Variants in DST observed in about 807,000 individuals in gnomAD.
DST encodes the protein dystonin, also known as bullous pemphigoid antigen.
In DST, 253 loss-of-function variants were observed where a neutral mutation model predicts 875.2. The observed-to-expected ratio is 0.29, with a 90% CI of 0.26 to 0.32. The LOEUF is 0.32. Ranked by LOEUF, DST falls within the 10% of genes least tolerant of loss-of-function variation. The probability of loss-of-function intolerance (pLI) is 1.00; values close to 1 mark genes in which losing one functional copy is unlikely to be tolerated. For synonymous variants in DST, 3,124 were observed against 3,197.1 expected, an observed-to-expected ratio of 0.98 and a Z score of 0.77; for missense variants, 8,287 against 9,111.6, an observed-to-expected ratio of 0.91 and a Z score of 3.68.
In DST at chr6:56,470,196, C is replaced by T. The variant is rs767519111; in HGVS notation, c.22408G>A (p.Val7470Ile). Residue 7470 changes from valine to isoleucine, a missense_variant, in exon 96 of 104, where the codon GTA becomes ATA. Val to Ile is a conservative substitution (Grantham distance 29). Coordinates refer to ENST00000680361, the MANE Select transcript of DST (RefSeq NM_001374736.1). The part of the protein sequence containing the change: ...GDGYIDYYEF[V>I]AALHPNKDAY... ...TCTTTATTTGGGTGAAGGGCTGCTA[C>T]AAATTCATAGTAGTCAATATATCCA... 1.6e-5 allele frequency: 26 copies of T among 1,611,948 alleles called. No homozygotes were observed. In the Middle Eastern group the frequency reaches 6.6e-4, roughly 41 times the overall value.
intron 4 of DST, among the ~76,000 whole-genome samples, chr6:56,806,860 C>G (rs575479512): frequency 6.6e-6 from 1 of 152,278 alleles, no homozygotes; most frequent in East Asian, 1.9e-4. Context: ...ATGACGCTCA[C>G]AGAAGCTAAG....
chr6:56,859,817 T>C (rs1487388458), intron 3 of DST, among the ~76,000 whole-genome samples: 1 of 152,174 alleles, frequency 6.6e-6, no homozygotes, highest in Admixed American at 6.5e-5. Flanking sequence ...ATATGTCTTT[T>C]AGTGGAATAG....
At chr6:56,532,301 G>A (rs377191293) in intron 64 of DST, 43 bp downstream of exon 64, 6 of 1,563,684 alleles carry the variant, frequency 3.8e-6, no homozygotes, top group African/African-American at 2.7e-5. Flanking sequence ...GTAGACAGAG[G>A]CCACTGCTAC....
At chr6:56,601,750 T>C in intron 43 of DST, 74 bp from the exon 44 acceptor site, 3 of 917,726 alleles carry the variant, frequency 3.3e-6, no homozygotes, top group Admixed American at 3.2e-5. Flanking sequence ...ATAATATTTA[T>C]GTTTTGTAAA....
In DST at chr6:56,487,139, GT is replaced by G; in HGVS notation, c.21011del (p.Asp7004AlafsTer58). 1 of 1,613,862 alleles carries G rather than the reference GT, an allele frequency of 6.2e-7. No homozygotes were observed. Among genetic ancestry groups the G allele is most frequent in the South Asian group, 1.1e-5 (1 of 91,070 alleles). On this transcript the variant is annotated frameshift_variant, in exon 87 of 104. Coordinates refer to ENST00000680361, the MANE Select transcript of DST (RefSeq NM_001374736.1). LOFTEE classifies it high-confidence loss of function. ...KLDDMLSELRDKWDTICGKSV... is the reference protein window; with the variant it reads ...KLDDMLSELRXKWDTICGKSV... ...ATTTTCCACATATGGTATCCCATTT[GT>G]CTCTGAGTTCACTCAGCATGTCATC...
At position 56,604,644 on chromosome 6, in the gene DST, T is replaced by A. The variant is rs1463240238; in HGVS notation, c.9984A>T (p.Pro3328=). Reference sequence around the variant, plus strand: ...ATCTTGGAGACAAGGCTTGTTCTTTTGGTAGCTGTTGCTCAATTCTTTCTT... The same window carrying A: ...ATCTTGGAGACAAGGCTTGTTCTTTAGGTAGCTGTTGCTCAATTCTTTCTT... ...NKKERIEQQL[P]KEQALSPRSQ... is the part of the protein sequence containing the mutation. Residue 3328 remains proline, a synonymous_variant, in exon 40 of 104, where the codon CCA becomes CCT. Coordinates refer to ENST00000680361, the MANE Select transcript of DST (RefSeq NM_001374736.1). 8.7e-6 allele frequency: 14 copies of A among 1,612,638 alleles called. No homozygotes were observed. Among genetic ancestry groups the A allele is most frequent in the Non-Finnish European group, 1.2e-5 (14 of 1,179,174 alleles).
intron 5 of DST, among the ~76,000 whole-genome samples, chr6:56,713,413 C>T (rs1343367900): frequency 6.6e-6 from 1 of 152,198 alleles, no homozygotes; most frequent in Non-Finnish European, 1.5e-5. Flanking sequence ...CACACACACA[C>T]ACACAATCAA....
At chr6:56,565,794 C>T (rs1214064352) in intron 55 of DST, among the ~76,000 whole-genome samples, 4 of 152,160 alleles carry the variant, frequency 2.6e-5, no homozygotes, top group Non-Finnish European at 4.4e-5. Context: ...GAAGCTGCTC[C>T]CACAGCCACC....
intron 45 of DST, 67 bp downstream of exon 45, chr6:56,600,002 G>T: frequency 1.4e-6 from 2 of 1,409,964 alleles, no homozygotes; most frequent in South Asian, 1.6e-5. Flanking sequence ...AATCTTCACT[G>T]ACTTCCAAAT....
At chr6:56,790,849 G>A (rs1163818143) in intron 4 of DST, among the ~76,000 whole-genome samples, 1 of 152,176 alleles carries the variant, frequency 6.6e-6, no homozygotes, top group Non-Finnish European at 1.5e-5. Flanking sequence ...GCTTTCCGTT[G>A]TTTTGAACAA....
intron 2 of DST, among the ~76,000 whole-genome samples, chr6:56,936,770 C>G (rs576293164): frequency 2.0e-5 from 3 of 151,708 alleles, no homozygotes; most frequent in African/African-American, 7.3e-5. Context: ...TTAAAAAGAG[C>G]AGAAGAGAAT....
intron 9 of DST, among the ~76,000 whole-genome samples, chr6:56,691,420 G>C (rs1399155776): frequency 6.6e-6 from 1 of 152,150 alleles, no homozygotes; most frequent in East Asian, 1.9e-4. Context: ...CAGTGATGAT[G>C]GCGCACACTA....
intron 2 of DST, among the ~76,000 whole-genome samples, chr6:56,940,209 C>T (rs915399920): frequency 3.1e-4 from 47 of 151,282 alleles, no homozygotes; most frequent in African/African-American, 9.5e-4. Context: ...CACACACACA[C>T]ACACACACAC....
intron 9 of DST, among the ~76,000 whole-genome samples, chr6:56,687,368 A>G (rs918090730): frequency 6.6e-6 from 1 of 152,154 alleles, no homozygotes; most frequent in African/African-American, 2.4e-5. Flanking sequence ...AAACCTTAAC[A>G]TCGGTAGGAA....
chr6:56,952,882 G>C (rs1426983955), intron 2 of DST, among the ~76,000 whole-genome samples: 1 of 152,156 alleles, frequency 6.6e-6, no homozygotes, highest in Admixed American at 6.5e-5. Context: ...TACTCTTTGT[G>C]CAACATTTTA....
chr6:56,749,214 C>T (rs1428503045), intron 4 of DST, among the ~76,000 whole-genome samples: 3 of 151,900 alleles, frequency 2.0e-5, no homozygotes, highest in Non-Finnish European at 2.9e-5. Context: ...ATTGGCCAGG[C>T]GTGGTGGTGT....
intron 73 of DST, among the ~76,000 whole-genome samples, chr6:56,510,660 C>A (rs1278142379): frequency 1.3e-5 from 2 of 152,174 alleles, no homozygotes; most frequent in South Asian, 2.1e-4. Context: ...GATTGTGACA[C>A]TGGCCCACTC....
chr6:56,642,996 T>C, intron 15 of DST: 1 of 1,261,094 alleles, frequency 7.9e-7, no homozygotes, highest in Admixed American at 2.9e-5. Context: ...CCTAAAGCCA[T>C]TCGTTTGCTA....
chr6:56,809,292 T>C (rs971378826), intron 4 of DST, among the ~76,000 whole-genome samples: 3 of 152,170 alleles, frequency 2.0e-5, no homozygotes, highest in African/African-American at 7.2e-5. Flanking sequence ...GGAACAAATC[T>C]CAACTGCCCC....
Sources: allele counts gnomAD v4.1 joint callset (sites outside exome capture counted in the v4.1 genomes callset), GRCh38; gene constraint gnomAD v4.1.1; transcripts MANE v1.5; gene names NCBI Gene and HGNC (gene_info 2026-07-23, HGNC 2026-07-21).